CEP63: variants seen among roughly 807,000 people sequenced by gnomAD.
CEP63 encodes centrosomal protein of 63 kDa.
CEP63 carries 84 observed loss-of-function variants against 89.1 expected under a neutral mutation model. That is an observed-to-expected ratio of 0.94 (90% confidence interval 0.79 to 1.13). The LOEUF is 1.13. Ranked by LOEUF, CEP63 falls within the 50% of genes most tolerant of loss-of-function variation. The pLI is 0.00. For missense variants in CEP63, 838 were observed against 813.3 expected (o/e 1.03, Z -0.37); for synonymous variants, 267 against 272.5 (o/e 0.98, Z 0.20).
chr3:134,528,687 G>A (rs1311106376), intron 3 of CEP63, among the ~76,000 whole-genome samples: 2 of 151,964 alleles, frequency 1.3e-5, no homozygotes, highest in Admixed American at 1.3e-4. Context: ...GTCTTTACGG[G>A]TTATAGCAGT....
the CEP63 span, among the ~76,000 whole-genome samples, chr3:134,673,668 A>G: frequency 6.6e-6 from 1 of 152,040 alleles, no homozygotes; most frequent in Admixed American, 6.6e-5. Flanking sequence ...CTTCTCTGGA[A>G]CACCTGAAAC....
chr3:134,575,619 T>C (rs1036820123), downstream of CEP63, among the ~76,000 whole-genome samples: 5 of 150,738 alleles, frequency 3.3e-5, no homozygotes, highest in East Asian at 2.0e-4. Flanking sequence ...CCTTTTCTCT[T>C]TCTTTCTTTG....
chr3:134,485,858 C>T (rs1225133476), upstream of CEP63: 1 of 424,586 alleles, frequency 2.4e-6, no homozygotes, highest in African/African-American at 2.2e-5. Context: ...AAGTGACAGC[C>T]TCGGCCGATG....
the CEP63 span, among the ~76,000 whole-genome samples, chr3:134,698,277 C>G: frequency 2.6e-5 from 4 of 152,168 alleles, no homozygotes; most frequent in Non-Finnish European, 5.9e-5. Context: ...AATATAGGTA[C>G]CTGGACAGCT....
chr3:134,650,974 TTCCGACCTG>T, the CEP63 span: 6 of 1,612,702 alleles, frequency 3.7e-6, no homozygotes, highest in Non-Finnish European at 5.1e-6. Flanking sequence ...GCCGCCTCCT[TTCCGACCTG>T]GGCGCCGCGG....
At chr3:134,526,106 A>G (rs1367268420) in intron 3 of CEP63, among the ~76,000 whole-genome samples, 2 of 152,090 alleles carry the variant, frequency 1.3e-5, no homozygotes, top group Admixed American at 1.3e-4. Flanking sequence ...ATAATCCCAT[A>G]TATCTTGGGG....
At chr3:134,520,989 A>G (rs1221677647) in intron 3 of CEP63, among the ~76,000 whole-genome samples, 3 of 152,066 alleles carry the variant, frequency 2.0e-5, no homozygotes, top group Non-Finnish European at 4.4e-5. Flanking sequence ...AAATAGTGAT[A>G]AAAGGTTACT....
At chr3:134,510,884 C>A in intron 3 of CEP63, 1 of 211,038 alleles carries the variant, frequency 4.7e-6, no homozygotes, top group Non-Finnish European at 9.6e-6. Flanking sequence ...TCTTCCAAGG[C>A]AGGCAGCACC....
At chr3:134,726,898 G>A in the CEP63 span, among the ~76,000 whole-genome samples, 3 of 152,210 alleles carry the variant, frequency 2.0e-5, no homozygotes, top group African/African-American at 4.8e-5. Context: ...TCCTGTTCCA[G>A]CCTGGCTGCA....
the CEP63 span, among the ~76,000 whole-genome samples, chr3:134,656,967 T>G: frequency 6.6e-6 from 1 of 152,340 alleles, no homozygotes. Flanking sequence ...ATTTTGTTAT[T>G]TAGTATTTCC....
intron 11 of CEP63, among the ~76,000 whole-genome samples, chr3:134,551,487 G>A (rs1312586336): frequency 6.6e-6 from 1 of 152,092 alleles, no homozygotes; most frequent in Non-Finnish European, 1.5e-5. Context: ...CAAAAGCTGA[G>A]GGGAATGAGA....
chr3:134,508,539 T>C (rs773336071), intron 3 of CEP63, among the ~76,000 whole-genome samples: 1 of 152,182 alleles, frequency 6.6e-6, no homozygotes, highest in Non-Finnish European at 1.5e-5. Context: ...ATGAAAGTGG[T>C]TTTCTGGTTG....
chr3:134,493,304 G>A (rs746261986), intron 1 of CEP63, among the ~76,000 whole-genome samples: 8 of 151,666 alleles, frequency 5.3e-5, no homozygotes, highest in Non-Finnish European at 8.8e-5. Context: ...AAACAAGTCC[G>A]AGAATATAAA....
chr3:134,538,539 ATATATATATATATATG>A (rs1559978532), intron 6 of CEP63, among the ~76,000 whole-genome samples: 3 of 138,362 alleles, frequency 2.2e-5, no homozygotes, highest in East Asian at 4.4e-4. Flanking sequence ...GTGTGTATAT[ATATATATATATATATG>A]TATATATATA....
the CEP63 span, among the ~76,000 whole-genome samples, chr3:134,664,153 T>C: frequency 6.6e-6 from 1 of 152,186 alleles, no homozygotes; most frequent in Non-Finnish European, 1.5e-5. Flanking sequence ...CGCCTGCTCT[T>C]TGCTTCCCTG....
the CEP63 span, among the ~76,000 whole-genome samples, chr3:134,730,805 T>C: frequency 1.3e-5 from 2 of 152,096 alleles, no homozygotes; most frequent in Admixed American, 1.3e-4. Context: ...ATTACCAAGT[T>C]CTAGTTACAA....
chr3:134,752,941 C>T, the CEP63 span, among the ~76,000 whole-genome samples: 6 of 152,056 alleles, frequency 3.9e-5, no homozygotes, highest in Admixed American at 1.3e-4. Flanking sequence ...TACCACTGCC[C>T]GGGCATGATA....
chr3:134,700,901 C>T, the CEP63 span, among the ~76,000 whole-genome samples: 1 of 152,120 alleles, frequency 6.6e-6, no homozygotes, highest in African/African-American at 2.4e-5. Flanking sequence ...TGTTGCTCTC[C>T]CTTGGCTGGT....
the CEP63 span, chr3:134,640,075 C>G: frequency 6.6e-6 from 1 of 152,360 alleles, no homozygotes; most frequent in Non-Finnish European, 1.5e-5. Context: ...AAGCCCCTTC[C>G]CATGACCCAA....
Sources: allele counts gnomAD v4.1 joint callset (sites outside exome capture counted in the v4.1 genomes callset), GRCh38; gene constraint gnomAD v4.1.1; transcripts MANE v1.5; gene names NCBI Gene and HGNC (gene_info 2026-07-23, HGNC 2026-07-21).